PIAS4: variants seen among roughly 807,000 people sequenced by gnomAD.
PIAS4 encodes the protein protein inhibitor of activated STAT 4.
In PIAS4, 7 loss-of-function variants were observed where a neutral mutation model predicts 58.0. The observed-to-expected ratio is 0.12, with a 90% CI of 0.07 to 0.23. PIAS4 has a LOEUF of 0.23. Ranked by LOEUF, PIAS4 falls within the 10% of genes least tolerant of loss-of-function variation. The pLI is 1.00. For synonymous variants in PIAS4, 364 were observed against 312.4 expected, an observed-to-expected ratio of 1.17 and a Z score of -1.74; for missense variants, 550 against 709.5, an observed-to-expected ratio of 0.78 and a Z score of 2.55.
intron 1 of PIAS4, among the ~76,000 whole-genome samples, chr19:4,012,621 C>A (rs1200523773): frequency 2.0e-5 from 3 of 152,094 alleles, no homozygotes; most frequent in Non-Finnish European, 1.5e-5. Flanking sequence ...CAGTTCCTGC[C>A]CTGGGGATGC....
chr19:4,018,113 C>T (rs1415541559), intron 2 of PIAS4, among the ~76,000 whole-genome samples: 1 of 152,246 alleles, frequency 6.6e-6, no homozygotes, highest in African/African-American at 2.4e-5. Context: ...GGCCCGGCCC[C>T]AGTCAGCCTT....
intron 9 of PIAS4, among the ~76,000 whole-genome samples, chr19:4,034,909 A>G (rs28512401): frequency 0.053 from 8,127 of 152,224 alleles, 725 homozygotes; most frequent in African/African-American, 0.18. Context: ...AGGGTCCCCA[A>G]AAGAGCCCCG....
At chr19:4,033,323 A>T in intron 8 of PIAS4, 97 bp from the exon 9 acceptor site, 1 of 1,349,272 alleles carries the variant, frequency 7.4e-7, no homozygotes, top group Non-Finnish European at 1.0e-6. Flanking sequence ...GGCATGAGTG[A>T]TTGGAGCGAG....
intron 2 of PIAS4, among the ~76,000 whole-genome samples, chr19:4,022,098 A>G (rs1306643216): frequency 2.0e-5 from 3 of 152,132 alleles, no homozygotes; most frequent in South Asian, 2.1e-4. Context: ...AACTTCCTTA[A>G]CAGGTAAAGA....
chr19:4,036,111 CA>C (rs1470622433), intron 9 of PIAS4, among the ~76,000 whole-genome samples: 5 of 133,046 alleles, frequency 3.8e-5, no homozygotes, highest in African/African-American at 1.3e-4. Flanking sequence ...CAAACACACA[CA>C]CATCTATACA....
At chr19:4,017,398 T>C (rs1409680114) in intron 2 of PIAS4, among the ~76,000 whole-genome samples, 3 of 152,186 alleles carry the variant, frequency 2.0e-5, no homozygotes, top group African/African-American at 7.2e-5. Context: ...AGCCTGTGAA[T>C]GTTTTCACTG....
rs763983884 is a variant in PIAS4 at position 4,013,108 on chromosome 19, G to A, written c.213G>A (p.Ser71=). Residue 71 remains serine, a synonymous_variant, in exon 2 of 11, where the codon TCG becomes TCA. Transcript: ENST00000262971. This position sits in a 1 kb window ranked among gnomAD's most constrained non-coding sequence, Gnocchi z 5.1. ...AGACCCGCTACGCCAAGAAGAACTC[G>A]GAGCCTGCCCCACAGCCGCACCGGC... is the stretch of plus-strand genomic sequence containing the variant. ...LYETRYAKKN[S]EPAPQPHRPL... is the part of the protein sequence containing the mutation. 18 of 1,613,230 alleles carry A rather than the reference G, an allele frequency of 1.1e-5. No individual in the cohort carries two copies. The East Asian group carries it at 2.5e-4, about 22-fold the overall frequency.
In PIAS4 at chr19:4,029,047, C is replaced by G. The variant is rs1309979755; in HGVS notation, c.907+11C>G. Reference sequence around the variant, plus strand: ...TGTGCAAGGCACTGGGTGAGCAGCTCAGGCCACCTCGGCCGAGGGGTGCCA... The same window carrying G: ...TGTGCAAGGCACTGGGTGAGCAGCTGAGGCCACCTCGGCCGAGGGGTGCCA... On this transcript the variant is annotated intron_variant, in intron 7 of 10. Coordinates refer to ENST00000262971, the MANE Select transcript of PIAS4 (RefSeq NM_015897.4). 1 of 1,579,032 alleles carries G rather than the reference C, an allele frequency of 6.3e-7. No homozygotes were observed. The highest frequency in any genetic ancestry group is 8.6e-7 in the Non-Finnish European group (1 of 1,159,374).
At chr19:4,012,515 A>G (rs534093634) in intron 1 of PIAS4, among the ~76,000 whole-genome samples, 9 of 152,234 alleles carry the variant, frequency 5.9e-5, no homozygotes, top group East Asian at 3.9e-4. Flanking sequence ...GCTTTATGTC[A>G]TTATCCTCCC....
Position 4,030,770 on chromosome 19 carries a change from C to T in PIAS4, c.907+1734C>T, listed in dbSNP as rs184874899. Reference sequence around the variant, plus strand: ...GGCCTTCTCTGGTGGCCACTGTCTTCAGGAGAATAGATCTGAGCCATCTTG... The same window carrying T: ...GGCCTTCTCTGGTGGCCACTGTCTTTAGGAGAATAGATCTGAGCCATCTTG... On this transcript the variant is annotated intron_variant, in intron 7 of 10. Coordinates refer to ENST00000262971, the MANE Select transcript of PIAS4 (RefSeq NM_015897.4). Among the ~76,000 whole-genome samples, 18 of 152,322 alleles carry T rather than the reference C, an allele frequency of 1.2e-4. No individual in the cohort carries two copies. In the South Asian group the frequency reaches 3.5e-3, roughly 30 times the overall value.
intron 7 of PIAS4, among the ~76,000 whole-genome samples, chr19:4,030,745 G>A (rs2040215576): frequency 6.6e-6 from 1 of 152,206 alleles, no homozygotes; most frequent in Non-Finnish European, 1.5e-5. Flanking sequence ...GAAAGTCGCT[G>A]GCCTTCTCTG....
rs772388255 is a variant in PIAS4 at position 4,019,922 on chromosome 19, C to CT, written c.455-4100dup. ...CGAGCCCAGGGAGTCTGGCTTTTTT[C>CT]TTTTTTTTTTTTTTGAAATGGAGTC... On this transcript the variant is annotated intron_variant, in intron 2 of 10. Transcript: ENST00000262971. Among the ~76,000 whole-genome samples, 292 of 144,680 alleles carry CT rather than the reference C, an allele frequency of 2.0e-3. 2 individuals carry two copies. Among genetic ancestry groups the CT allele is most frequent in the East Asian group, 0.015 (73 of 4,950 alleles). 94.9% of individuals were successfully genotyped at this position (144,680 alleles called of 152,430 possible).
chr19:4,008,593 T>TA (rs2144900337), intron 1 of PIAS4, among the ~76,000 whole-genome samples: 1 of 152,274 alleles, frequency 6.6e-6, no homozygotes, highest in Admixed American at 6.5e-5. Flanking sequence ...CTCCTTTTTT[T>TA]AATCTTAAAT....
At chr19:4,010,482 T>C (rs1186363780) in intron 1 of PIAS4, among the ~76,000 whole-genome samples, 1 of 152,252 alleles carries the variant, frequency 6.6e-6, no homozygotes, top group African/African-American at 2.4e-5. Context: ...TGCAAGCCTT[T>C]TTGTTTTCTG....
rs1398537056 is a variant in PIAS4 at position 4,036,100 on chromosome 19, A to T, written c.1143-1274A>T. ...ACATCCGTACAGTCCACACCGTCAT[A>T]CAAACACACACACATCTATACAGTC... On this transcript the variant is annotated intron_variant, in intron 9 of 10. Transcript: ENST00000262971. Among the ~76,000 whole-genome samples, 6 of 68,932 alleles carry T rather than the reference A, an allele frequency of 8.7e-5. 1 individual carries two copies. Among genetic ancestry groups the T allele is most frequent in the Non-Finnish European group, 1.8e-4 (6 of 32,462 alleles). 45.2% of individuals were successfully genotyped at this position (68,932 alleles called of 152,430 possible).
intron 2 of PIAS4, among the ~76,000 whole-genome samples, chr19:4,021,961 C>A (rs2040114400): frequency 6.6e-6 from 1 of 151,938 alleles, no homozygotes; most frequent in African/African-American, 2.4e-5. Flanking sequence ...GTTGCCCAGG[C>A]TGGCCTCAAA....
intron 7 of PIAS4, among the ~76,000 whole-genome samples, chr19:4,031,748 C>G (rs1363823759): frequency 6.6e-6 from 1 of 152,204 alleles, no homozygotes; most frequent in South Asian, 2.1e-4. Flanking sequence ...GCCTCTCTGT[C>G]ACTGGATTTC....
At chr19:4,010,851 A>G (rs1457705633) in intron 1 of PIAS4, among the ~76,000 whole-genome samples, 1 of 152,188 alleles carries the variant, frequency 6.6e-6, no homozygotes, top group Non-Finnish European at 1.5e-5. Flanking sequence ...CAGCCCTGAT[A>G]TGGGAAGAGG....
Position 4,029,136 on chromosome 19 carries a change from G to A in PIAS4, c.907+100G>A, listed in dbSNP as rs573853251. 3.1e-5 allele frequency: 25 copies of A among 816,242 alleles called. No individual in the cohort carries two copies. The South Asian group carries it at 3.1e-4, about 10-fold the overall frequency. The allele number at this position is 816,242 out of a possible 1,614,324, so 50.6% of individuals were successfully genotyped here. A position where few individuals can be genotyped will look rare whatever the true frequency, so the allele number is the denominator to read the frequency against. Reference sequence around the variant, plus strand: ...GGGGGCCCTGCACCCGGAGGAGATCGATCAGGGGCCGCCTGTCACTCTGGG... The same window carrying A: ...GGGGGCCCTGCACCCGGAGGAGATCAATCAGGGGCCGCCTGTCACTCTGGG... On this transcript the variant is annotated intron_variant, in intron 7 of 10. Transcript: ENST00000262971.
Sources: allele counts gnomAD v4.1 joint callset (sites outside exome capture counted in the v4.1 genomes callset), GRCh38; gene constraint gnomAD v4.1.1; non-coding constraint Gnocchi (gnomAD v3.1); transcripts MANE v1.5; gene names NCBI Gene and HGNC (gene_info 2026-07-23, HGNC 2026-07-21).